HMX2: variants seen among roughly 807,000 people sequenced by gnomAD.
HMX2 encodes homeobox protein HMX2.
HMX2 carries 15 observed loss-of-function variants against 21.2 expected under a neutral mutation model. The ratio of observed to expected loss-of-function variants is 0.71; its 90% CI spans 0.47 to 1.09. The LOEUF (loss-of-function observed/expected upper bound fraction) is 1.09. Among genes scored for constraint, HMX2 ranks in the 50% least tolerant of loss-of-function variants. The pLI, the probability that HMX2 is intolerant of heterozygous loss-of-function variation, is 0.00. For missense variants in HMX2, 440 were observed against 381.5 expected, an observed-to-expected ratio of 1.15 and a Z score of -1.28; for synonymous variants, 193 against 181.0, an observed-to-expected ratio of 1.07 and a Z score of -0.53.
At position 123,149,815 on chromosome 10, in the gene HMX2, C is replaced by T; in HGVS notation, c.514C>T (p.Arg172Cys). 6.2e-7 allele frequency: 1 copy of T among 1,612,122 alleles called. No homozygotes were observed. The highest frequency in any genetic ancestry group is 8.5e-7 in the Non-Finnish European group (1 of 1,179,480). Residue 172 changes from arginine (R) to cysteine (C), a missense_variant, in exon 2 of 2, where the codon CGC (arginine) becomes TGC (cysteine). Coordinates refer to ENST00000339992, the MANE Select transcript of HMX2 (RefSeq NM_005519.2). The surrounding 1 kb of genome is among the most constrained non-coding windows in gnomAD (Gnocchi z 5.4). ...YQLESTFDMK[R>C]YLSSSERACL... ...GCTCGAGTCCACCTTCGACATGAAG[C>T]GCTACCTGAGCAGCTCGGAGCGCGC...
Position 123,149,984 on chromosome 10 carries a change from T to C in HMX2, c.683T>C (p.Met228Thr). The C allele has an allele frequency of 6.2e-7, 1 of 1,611,484 alleles. No homozygotes were observed. The highest frequency in any genetic ancestry group is 2.2e-5 in the East Asian group (1 of 44,818). The change falls in exon 2 of 2, where the codon ATG becomes ACG. Residue 228 changes from methionine (M) to threonine (T), a missense_variant. Transcript: ENST00000339992. The surrounding 1 kb of genome is among the most constrained non-coding windows in gnomAD (Gnocchi z 5.4). ...AHASAQTLVS[M>T]PLVFRDSSLL... ...GCGTCGGCGCAGACTCTGGTGAGCA[T>C]GCCGCTGGTGTTCCGGGACAGTTCG...
rs1439974956 is a variant in HMX2, at chr10:123,148,591, C to A, written c.213C>A (p.His71Gln). The A allele has an allele frequency of 1.2e-6, 2 of 1,613,326 alleles. No homozygotes were observed. The highest frequency in any genetic ancestry group is 1.7e-5 in the Admixed American group (1 of 60,010). Reference sequence around the variant, plus strand: ...CCGCCTGCTTCTGCCCAGACCAGCACGGCCCTAAGGAGCAGGGCCCCAAGC... The same window carrying A: ...CCGCCTGCTTCTGCCCAGACCAGCAAGGCCCTAAGGAGCAGGGCCCCAAGC... ...KAPACFCPDQ[H>Q]GPKEQGPKHH... Residue 71 changes from histidine to glutamine, a missense_variant, in exon 1 of 2, where the codon CAC (histidine) becomes CAA (glutamine). Physicochemically the swap from His to Gln is conservative, Grantham distance 24. Transcript: ENST00000339992.
chr10:123,150,064 C>G lies in HMX2; in HGVS notation c.763C>G (p.Pro255Ala). 1.2e-6 allele frequency: 2 copies of G among 1,600,552 alleles called. No homozygotes were observed. Among genetic ancestry groups the G allele is most frequent in the Non-Finnish European group, 1.7e-6 (2 of 1,177,296 alleles). The change falls in exon 2 of 2, where the codon CCG (proline) becomes GCG (alanine). Residue 255 changes from proline (P) to alanine (A), a missense_variant. Coordinates refer to ENST00000339992, the MANE Select transcript of HMX2 (RefSeq NM_005519.2). This position sits in a 1 kb window ranked among gnomAD's most constrained non-coding sequence, Gnocchi z 4.2. ...SLAFPAPLYYPGSNLSALPLY... is the reference protein window; with the variant it reads ...SLAFPAPLYYAGSNLSALPLY... ...CGCCTTTCCCGCGCCGCTCTACTAC[C>G]CGGGAAGCAACCTCTCGGCCTTACC... is the stretch of plus-strand genomic sequence containing the variant.
chr10:123,150,195 C>T lies in HMX2; in HGVS notation c.*72C>T. On this transcript the variant is annotated 3_prime_UTR_variant, in exon 2 of 2. Transcript: ENST00000339992. The surrounding 1 kb of genome is among the most constrained non-coding windows in gnomAD (Gnocchi z 4.2). The stretch of plus-strand genomic sequence containing the variant: ...GCGTACTGTACTGTAAGCAGGGCTC[C>T]GGAGCAAGGCGGCGTGTTTCCAGAA... The T allele has an allele frequency of 8.8e-6, 11 of 1,253,780 alleles. No individual in the cohort carries two copies. The highest frequency in any genetic ancestry group is 1.2e-5 in the Non-Finnish European group (11 of 933,136). 77.7% of individuals were successfully genotyped at this position (1,253,780 alleles called of 1,614,324 possible).
Position 123,149,597 on chromosome 10 carries a change from G to C in HMX2, c.296G>C (p.Gly99Ala). The C allele has an allele frequency of 6.8e-7, 1 of 1,464,334 alleles. No homozygotes were observed. Among genetic ancestry groups the C allele is most frequent in the Non-Finnish European group, 9.0e-7 (1 of 1,111,580 alleles). The allele number at this position is 1,464,334 out of a possible 1,614,324, so 90.7% of individuals were successfully genotyped here. A position where few individuals can be genotyped will look rare whatever the true frequency, so the allele number is the denominator to read the frequency against. Reference sequence around the variant, plus strand: ...ACCCCCAAGGGCAGCGGAGGCTCGGGCCCGGGCGGCTTGGAGCGCACGCCT... The same window carrying C: ...ACCCCCAAGGGCAGCGGAGGCTCGGCCCCGGGCGGCTTGGAGCGCACGCCT... ...LGTPKGSGGS[G>A]PGGLERTPFL... Residue 99 changes from glycine to alanine, a missense_variant, in exon 2 of 2, where the codon GGC becomes GCC. By Grantham distance (60) the Gly-to-Ala change is moderately conservative (BLOSUM62 0). Coordinates refer to ENST00000339992, the MANE Select transcript of HMX2 (RefSeq NM_005519.2). The surrounding 1 kb of genome is among the most constrained non-coding windows in gnomAD (Gnocchi z 5.4).
chr10:123,148,194 C>G lies in HMX2; in HGVS notation c.-185C>G. 1 of 631,690 alleles carries G rather than the reference C, an allele frequency of 1.6e-6. No individual in the cohort carries two copies. The highest frequency in any genetic ancestry group is 2.7e-6 in the Non-Finnish European group (1 of 371,938). 39.1% of individuals were successfully genotyped at this position (631,690 alleles called of 1,614,324 possible). ...AGCCAGGCGGGCAGGAACCCCTGCG[C>G]AGCCATCCGGTGCCTGCATGTCCCT... On this transcript the variant is annotated 5_prime_UTR_variant, in exon 1 of 2. Transcript: ENST00000339992.
At position 123,150,114 on chromosome 10, in the gene HMX2, C is replaced by A; in HGVS notation, c.813C>A (p.Leu271=). The stretch of plus-strand genomic sequence containing the variant: ...CTCTCTACAACCTATACAACAAGCT[C>A]GACTACTGACCGGCCCGCCGCCCCG... ...ALPLYNLYNK[L]DY The change falls in exon 2 of 2, where the codon CTC becomes CTA. Residue 271 remains leucine (L), a synonymous_variant. Transcript: ENST00000339992. The surrounding 1 kb of genome is among the most constrained non-coding windows in gnomAD (Gnocchi z 4.2). 1 of 1,551,292 alleles carries A rather than the reference C, an allele frequency of 6.4e-7. No homozygotes were observed. Among genetic ancestry groups the A allele is most frequent in the Non-Finnish European group, 8.7e-7 (1 of 1,151,170 alleles).
Position 123,150,253 on chromosome 10 carries a change from C to T in HMX2, c.*130C>T, listed in dbSNP as rs1043101347. On this transcript the variant is annotated 3_prime_UTR_variant, in exon 2 of 2. Transcript: ENST00000339992. The surrounding 1 kb of genome is among the most constrained non-coding windows in gnomAD (Gnocchi z 4.2). Reference sequence around the variant, plus strand: ...GAAATACACCATGTGTATTCATTAGCTCTTATTTATGGTCTCTGCCCTACT... The same window carrying T: ...GAAATACACCATGTGTATTCATTAGTTCTTATTTATGGTCTCTGCCCTACT... 1.3e-6 allele frequency: 1 copy of T among 748,074 alleles called. No homozygotes were observed. Among genetic ancestry groups the T allele is most frequent in the Middle Eastern group, 2.7e-4 (1 of 3,668 alleles). 46.3% of individuals were successfully genotyped at this position (748,074 alleles called of 1,614,324 possible). A position where few individuals can be genotyped will look rare whatever the true frequency, so the allele number is the denominator to read the frequency against.
Position 123,148,539 on chromosome 10 carries a change from A to G in HMX2, c.161A>G (p.Glu54Gly), listed in dbSNP as rs779160164. 7 of 1,613,084 alleles carry G rather than the reference A, an allele frequency of 4.3e-6. No individual in the cohort carries two copies. Among genetic ancestry groups the G allele is most frequent in the Non-Finnish European group, 5.9e-6 (7 of 1,179,770 alleles). The change falls in exon 1 of 2, where the codon GAG (glutamate) becomes GGG (glycine). Residue 54 changes from glutamate to glycine, a missense_variant. Transcript: ENST00000339992. ...AGCCTGTCCGTGTCCTCGGAGGAGG[A>G]GGAGCCGGACGACGGCTGGAAGGCG... is the stretch of plus-strand genomic sequence containing the variant. ...KRSLSVSSEEEEPDDGWKAPA... is the reference protein window; with the variant it reads ...KRSLSVSSEEGEPDDGWKAPA...
Position 123,150,338 on chromosome 10 carries a change from T to C in HMX2, c.*215T>C, listed in dbSNP as rs766740710. 2.2e-4 allele frequency: 99 copies of C among 442,652 alleles called. No individual in the cohort carries two copies. Among genetic ancestry groups the C allele is most frequent in the Non-Finnish European group, 3.6e-4 (91 of 253,844 alleles). 27.4% of individuals were successfully genotyped at this position (442,652 alleles called of 1,614,324 possible). On this transcript the variant is annotated 3_prime_UTR_variant, in exon 2 of 2. Coordinates refer to ENST00000339992, the MANE Select transcript of HMX2 (RefSeq NM_005519.2). The surrounding 1 kb of genome is among the most constrained non-coding windows in gnomAD (Gnocchi z 4.2). Reference sequence around the variant, plus strand: ...TCCCTAAGTCAGAGAGCCTGCTTCCTACCTAGACCGAACCAGTACGCTTTG... The same window carrying C: ...TCCCTAAGTCAGAGAGCCTGCTTCCCACCTAGACCGAACCAGTACGCTTTG...
In HMX2 at chr10:123,148,666, A is replaced by G. The variant is rs1330126233; in HGVS notation, c.268+20A>G. On this transcript the variant is annotated intron_variant, in intron 1 of 1. Coordinates refer to ENST00000339992, the MANE Select transcript of HMX2 (RefSeq NM_005519.2). ...GCCTGGGTAAGGATCGCACGTCGCC[A>G]GTGTGGCAGCGAGCGAGCGCGAGGG... 2 of 1,591,214 alleles carry G rather than the reference A, an allele frequency of 1.3e-6. No individual in the cohort carries two copies. Among genetic ancestry groups the G allele is most frequent in the South Asian group, 2.3e-5 (2 of 87,386 alleles).
chr10:123,148,304 C>A lies in HMX2; in HGVS notation c.-75C>A. 6.6e-7 allele frequency: 1 copy of A among 1,523,870 alleles called. No individual in the cohort carries two copies. The highest frequency in any genetic ancestry group is 9.0e-7 in the Non-Finnish European group (1 of 1,114,570). The allele number at this position is 1,523,870 out of a possible 1,614,324, so 94.4% of individuals were successfully genotyped here. On this transcript the variant is annotated 5_prime_UTR_variant, in exon 1 of 2. Transcript: ENST00000339992. ...CCCTCCCCACTGCCTGCCTGCTGCACCACCTTCCACCCAGATCACCCAGAT... is the reference window on the plus strand; with the variant it reads ...CCCTCCCCACTGCCTGCCTGCTGCAACACCTTCCACCCAGATCACCCAGAT...
Position 123,150,051 on chromosome 10 carries a change from G to T in HMX2, c.750G>T (p.Ala250=). The change falls in exon 2 of 2, where the codon GCG becomes GCT. Residue 250 remains alanine, a synonymous_variant. Transcript: ENST00000339992. The surrounding 1 kb of genome is among the most constrained non-coding windows in gnomAD (Gnocchi z 4.2). ...VPVPRSLAFP[A]PLYYPGSNLS... ...TGCCGCGCTCGCTCGCCTTTCCCGC[G>T]CCGCTCTACTACCCGGGAAGCAACC... 6.2e-7 allele frequency: 1 copy of T among 1,603,326 alleles called. No homozygotes were observed. Among genetic ancestry groups the T allele is most frequent in the Non-Finnish European group, 8.5e-7 (1 of 1,177,804 alleles).
chr10:123,148,768 G>C, intron 1 of HMX2, 122 bp downstream of exon 1: 1 of 1,279,334 alleles, frequency 7.8e-7, no homozygotes, highest in Non-Finnish European at 1.1e-6. Context: ...GGGGGTTCGG[G>C]ACCGCGGGGA....
chr10:123,149,898 C>T lies in HMX2; in HGVS notation c.597C>T (p.Asn199=), dbSNP rs1191652228. 1 of 1,612,868 alleles carries T rather than the reference C, an allele frequency of 6.2e-7. No homozygotes were observed. The change falls in exon 2 of 2, where the codon AAC becomes AAT. Residue 199 remains asparagine (N), a synonymous_variant. Transcript: ENST00000339992. The surrounding 1 kb of genome is among the most constrained non-coding windows in gnomAD (Gnocchi z 5.4). ...CCCAGGTAAAGACTTGGTTCCAGAA[C>T]CGCCGCAACAAGTGGAAGCGGCAGC... ...TETQVKTWFQ[N]RRNKWKRQLS... is the part of the protein sequence containing the mutation.
intron 1 of HMX2, 95 bp downstream of exon 1, chr10:123,148,741 C>T: frequency 6.8e-7 from 1 of 1,474,412 alleles, no homozygotes; most frequent in Non-Finnish European, 9.1e-7. Flanking sequence ...CCCCCTCTGG[C>T]CAGAGCTGCG....
Position 123,150,194 on chromosome 10 carries a change from C to T in HMX2, c.*71C>T, listed in dbSNP as rs529224543. 3.9e-6 allele frequency: 5 copies of T among 1,294,268 alleles called. No homozygotes were observed. In the East Asian group the frequency reaches 1.3e-4, roughly 33 times the overall value. The allele number at this position is 1,294,268 out of a possible 1,614,324, so 80.2% of individuals were successfully genotyped here. ...CGCGTACTGTACTGTAAGCAGGGCT[C>T]CGGAGCAAGGCGGCGTGTTTCCAGA... On this transcript the variant is annotated 3_prime_UTR_variant, in exon 2 of 2. Transcript: ENST00000339992. The surrounding 1 kb of genome is among the most constrained non-coding windows in gnomAD (Gnocchi z 4.2).
At position 123,148,324 on chromosome 10, in the gene HMX2, C is replaced by T; in HGVS notation, c.-55C>T. 1 of 1,603,278 alleles carries T rather than the reference C, an allele frequency of 6.2e-7. No individual in the cohort carries two copies. The highest frequency in any genetic ancestry group is 8.5e-7 in the Non-Finnish European group (1 of 1,173,032). ...CTGCACCACCTTCCACCCAGATCAC[C>T]CAGATCGTCTCTAAAGGGAGTTCTT... On this transcript the variant is annotated 5_prime_UTR_variant, in exon 1 of 2. Coordinates refer to ENST00000339992, the MANE Select transcript of HMX2 (RefSeq NM_005519.2).
At chr10:123,148,918 C>T (rs1232848611) in intron 1 of HMX2, among the ~76,000 whole-genome samples, 1 of 152,218 alleles carries the variant, frequency 6.6e-6, no homozygotes, top group Non-Finnish European at 1.5e-5. Flanking sequence ...ACGCGGCCGG[C>T]CTTACACCCG....
Sources: allele counts gnomAD v4.1 joint callset (sites outside exome capture counted in the v4.1 genomes callset), GRCh38; gene constraint gnomAD v4.1.1; non-coding constraint Gnocchi (gnomAD v3.1); transcripts MANE v1.5; gene names NCBI Gene and HGNC (gene_info 2026-07-23, HGNC 2026-07-21).